Variants in KAZN observed in about 807,000 individuals in gnomAD.
The protein encoded by KAZN is kazrin, periplakin interacting protein.
Under a neutral mutation model 87.4 loss-of-function variants are expected in KAZN, and 40 were observed. The ratio of observed to expected loss-of-function variants is 0.46; its 90% confidence interval spans 0.36 to 0.60. KAZN has a LOEUF of 0.60. Among genes scored for constraint, KAZN ranks in the 20% least tolerant of loss-of-function variants. The pLI, the probability that KAZN is intolerant of heterozygous loss-of-function variation, is 0.00. For synonymous variants in KAZN, 466 were observed against 458.3 expected, an observed-to-expected ratio of 1.02 and a Z score of -0.22; for missense variants, 898 against 1,073.9, an observed-to-expected ratio of 0.84 and a Z score of 2.29.
chr1:13,923,321 C>T (rs1276198251), intron 1 of KAZN, among the ~76,000 whole-genome samples: 2 of 151,984 alleles, frequency 1.3e-5, no homozygotes, highest in Non-Finnish European at 2.9e-5. Context: ...CGCCTGTAAT[C>T]CCAGCACTTT....
chr1:14,957,828 G>C (rs1174771140), intron 1 of KAZN, among the ~76,000 whole-genome samples: 1 of 152,224 alleles, frequency 6.6e-6, no homozygotes, highest in African/African-American at 2.4e-5. Flanking sequence ...GGTGGGGCGG[G>C]GAGGCTGTCG....
Position 14,996,281 on chromosome 1 carries a change from C to G in KAZN, c.418+35406C>G, listed in dbSNP as rs1667854386. On this transcript the variant is annotated intron_variant, in intron 2 of 14. Coordinates refer to ENST00000376030, the MANE Select transcript of KAZN (RefSeq NM_201628.3). The surrounding 1 kb of genome is among the most constrained non-coding windows in gnomAD (Gnocchi z 5.9). ...TCCCGTGTGTCTCTGTCCACCCAGA[C>G]CAGCAAGCAGGATGACTCACACCTT... is the stretch of plus-strand genomic sequence containing the variant. Among the ~76,000 whole-genome samples the G allele has an allele frequency of 6.6e-6, 1 of 152,148 alleles. No homozygotes were observed. Among genetic ancestry groups the G allele is most frequent in the African/African-American group, 2.4e-5 (1 of 41,436 alleles).
chr1:14,222,077 C>T (rs375080985), intron 2 of KAZN: 10 of 152,242 alleles, frequency 6.6e-5, no homozygotes, highest in African/African-American at 2.4e-4. Context: ...AAGTCCTTGT[C>T]AGTGAAGATG....
chr1:14,422,532 C>T (rs1208359685), intron 2 of KAZN, among the ~76,000 whole-genome samples: 1 of 152,242 alleles, frequency 6.6e-6, no homozygotes, highest in East Asian at 1.9e-4. Flanking sequence ...CTCTTACTAC[C>T]TCTTCCATTG....
intron 2 of KAZN, among the ~76,000 whole-genome samples, chr1:14,504,592 G>A (rs79287423): frequency 0.014 from 2,145 of 152,270 alleles, 32 homozygotes; most frequent in Non-Finnish European, 0.022. Context: ...GAGCTATCTG[G>A]GAGGAATAAT....
At chr1:14,522,539 G>T (rs1028891077) in intron 2 of KAZN, among the ~76,000 whole-genome samples, 3 of 152,086 alleles carry the variant, frequency 2.0e-5, no homozygotes, top group Admixed American at 6.5e-5. Flanking sequence ...TGGTCTCTTG[G>T]ATTATGCAAT....
chr1:14,610,016 C>G (rs1677690440), intron 1 of KAZN, among the ~76,000 whole-genome samples: 1 of 152,232 alleles, frequency 6.6e-6, no homozygotes, highest in Non-Finnish European at 1.5e-5. Flanking sequence ...TCTTGTAAGG[C>G]CTGGATGGAG....
At chr1:13,937,273 C>T (rs767566140) in intron 1 of KAZN, among the ~76,000 whole-genome samples, 2 of 152,062 alleles carry the variant, frequency 1.3e-5, no homozygotes, top group African/African-American at 4.8e-5. Context: ...CTTGAACTCC[C>T]GACCTCGTGA....
At chr1:14,335,107 C>CT (rs1553159267) in intron 2 of KAZN, among the ~76,000 whole-genome samples, 1 of 45,024 alleles carries the variant, frequency 2.2e-5, no homozygotes, top group South Asian at 7.1e-4. Flanking sequence ...TGACTCGGTG[C>CT]CCCCCCCCCA....
rs1273789580 is a variant in KAZN, at chr1:15,117,337, GC to G, written c.*2704del. On this transcript the variant is annotated 3_prime_UTR_variant, in exon 15 of 15. Coordinates refer to ENST00000376030, the MANE Select transcript of KAZN (RefSeq NM_201628.3). Reference sequence around the variant, plus strand: ...TTCTTGGAAAGCTGTTGTAGCTTGTGCCTGTGGGTGGAGAAGGCACCTGCCT... The same window carrying G: ...TTCTTGGAAAGCTGTTGTAGCTTGTGCTGTGGGTGGAGAAGGCACCTGCCT... 1 of 152,300 alleles carries G rather than the reference GC, an allele frequency of 6.6e-6. No homozygotes were observed. The highest frequency in any genetic ancestry group is 1.5e-5 in the Non-Finnish European group (1 of 68,122). The allele number at this position is 152,300 out of a possible 1,614,324, so 9.4% of individuals were successfully genotyped here.
At chr1:14,645,335 A>T (rs1436524928) in intron 1 of KAZN, among the ~76,000 whole-genome samples, 1 of 152,130 alleles carries the variant, frequency 6.6e-6, no homozygotes, top group African/African-American at 2.4e-5. Flanking sequence ...TAGTTCTATG[A>T]AGAATGTTGG....
intron 1 of KAZN, among the ~76,000 whole-genome samples, chr1:14,636,730 G>A (rs1680018616): frequency 6.6e-6 from 1 of 152,212 alleles, no homozygotes; most frequent in East Asian, 1.9e-4. Flanking sequence ...TTCCTCAGCA[G>A]ATCCCAGCCC....
At chr1:14,385,062 G>A (rs1471592063) in intron 2 of KAZN, among the ~76,000 whole-genome samples, 4 of 151,482 alleles carry the variant, frequency 2.6e-5, no homozygotes, top group Non-Finnish European at 5.9e-5. Flanking sequence ...TATGTGTCGA[G>A]GAATTTATCC....
At chr1:14,693,628 T>C (rs992429207) in intron 1 of KAZN, among the ~76,000 whole-genome samples, 6 of 152,154 alleles carry the variant, frequency 3.9e-5, no homozygotes, top group African/African-American at 1.4e-4. Flanking sequence ...CCATAAACCG[T>C]CTGTGGGATG....
At chr1:14,914,919 G>T (rs181111633) in intron 1 of KAZN, among the ~76,000 whole-genome samples, 186 of 152,116 alleles carry the variant, frequency 1.2e-3, no homozygotes, top group Non-Finnish European at 2.4e-3. Context: ...GGCCAGGCGC[G>T]GTGGCTCACG....
intron 1 of KAZN, among the ~76,000 whole-genome samples, chr1:14,049,407 A>G (rs578223463): frequency 2.7e-4 from 41 of 152,280 alleles, no homozygotes; most frequent in East Asian, 7.7e-4. Context: ...CATGGCACAT[A>G]TATACATATG....
At chr1:13,921,158 A>G (rs761762136) in intron 1 of KAZN, among the ~76,000 whole-genome samples, 3 of 152,208 alleles carry the variant, frequency 2.0e-5, no homozygotes, top group African/African-American at 7.2e-5. Context: ...TTTTATTTCC[A>G]TAATACATTT....
chr1:14,802,078 C>A (rs773642078), intron 1 of KAZN, among the ~76,000 whole-genome samples: 3 of 152,012 alleles, frequency 2.0e-5, no homozygotes, highest in Admixed American at 6.6e-5. Context: ...GTCCAGAAAG[C>A]TTTCGTCGAC....
At chr1:13,942,356 A>C (rs1310176450) in intron 1 of KAZN, among the ~76,000 whole-genome samples, 1 of 149,430 alleles carries the variant, frequency 6.7e-6, no homozygotes, top group Non-Finnish European at 1.5e-5. Flanking sequence ...CTGGCTAACA[A>C]GGTGAAACCC....
Sources: gnomAD v4.1 joint callset for allele counts (sites outside exome capture counted in the v4.1 genomes callset) on GRCh38, gnomAD v4.1.1 for gene constraint, Gnocchi (gnomAD v3.1) non-coding constraint, MANE v1.5 for transcripts, NCBI Gene and HGNC (gene_info 2026-07-23, HGNC 2026-07-21) for gene names.